The following CORIN variants were observed in gnomAD, a reference collection of about 807,000 sequenced individuals.
The protein encoded by CORIN is corin, serine peptidase.
A neutral mutation model predicts 125.3 loss-of-function variants in CORIN; 117 were observed. The observed-to-expected ratio is 0.93, with a 90% CI of 0.80 to 1.09. The LOEUF (loss-of-function observed/expected upper bound fraction) is 1.09, where lower values mean the gene tolerates loss of function less well. Among genes scored for constraint, CORIN ranks in the 50% least tolerant of loss-of-function variants. The probability of loss-of-function intolerance (pLI) is 0.00; values close to 1 mark genes in which losing one functional copy is unlikely to be tolerated. For missense variants in CORIN, 1,253 were observed against 1,306.7 expected (o/e 0.96, Z 0.63); for synonymous variants, 450 against 466.4 (o/e 0.96, Z 0.45).
intron 20 of CORIN, among the ~76,000 whole-genome samples, chr4:47,602,107 A>T (rs1319546721): frequency 1.3e-5 from 2 of 151,904 alleles, no homozygotes; most frequent in Non-Finnish European, 2.9e-5. Flanking sequence ...CTCACTAAAA[A>T]TACAAAAAAC....
intron 4 of CORIN, among the ~76,000 whole-genome samples, chr4:47,749,554 T>C (rs1307597138): frequency 6.6e-6 from 1 of 152,182 alleles, no homozygotes; most frequent in African/African-American, 2.4e-5. Context: ...AATTCACCTA[T>C]GTGACAGACC....
At chr4:47,777,498 G>C (rs2109899478) in intron 3 of CORIN, among the ~76,000 whole-genome samples, 1 of 152,242 alleles carries the variant, frequency 6.6e-6, no homozygotes, top group East Asian at 1.9e-4. Context: ...AAGCGTGGTG[G>C]CACACACCTG....
intron 5 of CORIN, among the ~76,000 whole-genome samples, chr4:47,709,988 T>C (rs1309492204): frequency 1.3e-5 from 2 of 152,242 alleles, no homozygotes; most frequent in Non-Finnish European, 2.9e-5. Context: ...ATGAGTCTCA[T>C]GGAACAATTT....
chr4:47,669,572 CTT>C (rs1206820586), intron 10 of CORIN, among the ~76,000 whole-genome samples: 12 of 135,472 alleles, frequency 8.9e-5, no homozygotes, highest in Admixed American at 1.5e-4. Flanking sequence ...TATATATATG[CTT>C]TTTTTTTTTT....
At chr4:47,624,747 A>T (rs1314587282) in intron 17 of CORIN, among the ~76,000 whole-genome samples, 2 of 152,118 alleles carry the variant, frequency 1.3e-5, no homozygotes, top group Non-Finnish European at 2.9e-5. Context: ...AGAAATTTTA[A>T]TCACTAAGTT....
intron 3 of CORIN, among the ~76,000 whole-genome samples, chr4:47,764,582 T>C (rs1467932488): frequency 6.6e-6 from 1 of 152,208 alleles, no homozygotes; most frequent in African/African-American, 2.4e-5. Flanking sequence ...CATATCTATA[T>C]TATACATGAG....
At chr4:47,787,969 C>G (rs1322585664) in intron 2 of CORIN, among the ~76,000 whole-genome samples, 1 of 152,188 alleles carries the variant, frequency 6.6e-6, no homozygotes, top group Non-Finnish European at 1.5e-5. Context: ...AAACAAAGAA[C>G]CAAACCTAAG....
chr4:47,775,368 C>A (rs566668976), intron 3 of CORIN, among the ~76,000 whole-genome samples: 3 of 152,212 alleles, frequency 2.0e-5, no homozygotes, highest in East Asian at 1.9e-4. Context: ...TCTCTCCCCC[C>A]TCCTCCCACC....
Position 47,626,431 on chromosome 4 carries a change from G to A in CORIN, c.2289C>T (p.Thr763=), listed in dbSNP as rs61759683. Residue 763 remains threonine (T), a synonymous_variant, in exon 17 of 22, where the codon ACC becomes ACT. Transcript: ENST00000273857. ...CATTTACTAGAAGTTCATGTAAAGT[G>A]GTCCCATTGAGGCTCTCCCAGTTGG... ...LHSNWESLNG[T]TLHELLVNGQ... is the part of the protein sequence containing the mutation. 16,653 of 1,610,154 alleles carry A rather than the reference G, an allele frequency of 0.01. 136 individuals carry two copies. The highest frequency in any genetic ancestry group is 0.013 in the Non-Finnish European group (15,656 of 1,176,374).
In CORIN at chr4:47,644,250, T is replaced by C. The variant is rs79471358; in HGVS notation, c.1957+831A>G. On this transcript the variant is annotated intron_variant, in intron 14 of 21. Transcript: ENST00000273857. ...AGTTCTTCCTCCTTCCAGCTGGACA[T>C]GATCAAGGAAGCATGGTGCCCCAGA... Among the ~76,000 whole-genome samples, 1,227 of 152,276 alleles carry C rather than the reference T, an allele frequency of 8.1e-3. 17 individuals carry two copies. Among genetic ancestry groups the C allele is most frequent in the African/African-American group, 0.028 (1,147 of 41,560 alleles).
Position 47,603,730 on chromosome 4 carries a change from A to G in CORIN, c.2541-62T>C, listed in dbSNP as rs1721539287. 4 of 1,540,074 alleles carry G rather than the reference A, an allele frequency of 2.6e-6. No individual in the cohort carries two copies. In the South Asian group the frequency reaches 5.0e-5, roughly 19 times the overall value. ...CTCTAGTTTATCATGTGAAATTCAC[A>G]TGTAATTTTAAAACATTTTATTTAT... On this transcript the variant is annotated intron_variant, in intron 19 of 21. Transcript: ENST00000273857.
rs189902333 is a variant in CORIN at position 47,789,742 on chromosome 4, C to T, written c.209-2817G>A. On this transcript the variant is annotated intron_variant, in intron 2 of 21. Coordinates refer to ENST00000273857, the MANE Select transcript of CORIN (RefSeq NM_006587.4). ...ATGAGCTATAAAAATGCTAAGAGGC[C>T]GGGCGCGGTGGCTCACGCCTGTAAT... Among the ~76,000 whole-genome samples the T allele has an allele frequency of 2.5e-3, 380 of 151,982 alleles. 1 individual carries two copies. The highest frequency in any genetic ancestry group is 7.8e-3 in the African/African-American group (323 of 41,430).
intron 12 of CORIN, 46 bp from the exon 13 acceptor site, chr4:47,653,706 A>T: frequency 6.7e-7 from 1 of 1,485,760 alleles, no homozygotes; most frequent in Non-Finnish European, 9.4e-7. Context: ...ACCCAGAAAC[A>T]TCAGCTAATT....
At chr4:47,781,500 T>C (rs764806094) in intron 3 of CORIN, among the ~76,000 whole-genome samples, 3 of 152,244 alleles carry the variant, frequency 2.0e-5, no homozygotes, top group Non-Finnish European at 4.4e-5. Flanking sequence ...GTAAATGTTC[T>C]GAGCACATTT....
intron 5 of CORIN, among the ~76,000 whole-genome samples, chr4:47,737,449 C>A (rs903098102): frequency 6.6e-6 from 1 of 152,218 alleles, no homozygotes; most frequent in South Asian, 2.1e-4. Context: ...CTCAGTGGCA[C>A]ACTCTTCCCA....
chr4:47,732,062 A>T (rs993394181), intron 5 of CORIN, among the ~76,000 whole-genome samples: 1 of 152,170 alleles, frequency 6.6e-6, no homozygotes, highest in East Asian at 1.9e-4. Flanking sequence ...TGGGGATGAT[A>T]GATAGATTTA....
intron 16 of CORIN, among the ~76,000 whole-genome samples, chr4:47,630,234 T>C (rs1015298673): frequency 6.6e-6 from 1 of 152,232 alleles, no homozygotes; most frequent in Non-Finnish European, 1.5e-5. Context: ...TTGATTGGTA[T>C]TATGAACTTC....
rs1190672020 is a variant in CORIN, at chr4:47,706,866, C to G, written c.800-13783G>C. On this transcript the variant is annotated intron_variant, in intron 5 of 21. Transcript: ENST00000273857. ...AAGCACAGGGAGATGCGTGGGCTGA[C>G]ATCTGCAGGCCGAAAGAGCCGTGGC... is the stretch of plus-strand genomic sequence containing the variant. The G allele has an allele frequency of 6.3e-6, 10 of 1,598,836 alleles. No individual in the cohort carries two copies. In the East Asian group the frequency reaches 2.2e-4, roughly 36 times the overall value.
intron 16 of CORIN, among the ~76,000 whole-genome samples, chr4:47,629,503 C>T (rs4695258): frequency 0.26 from 39,752 of 151,966 alleles, 5,431 homozygotes; most frequent in Admixed American, 0.36. Context: ...TACTTGTACA[C>T]AGAAAAATAT....
Sources: gnomAD v4.1 joint callset for allele counts (sites outside exome capture counted in the v4.1 genomes callset) on GRCh38, gnomAD v4.1.1 for gene constraint, MANE v1.5 for transcripts, NCBI Gene and HGNC (gene_info 2026-07-23, HGNC 2026-07-21) for gene names.